Variants in FBXO24 observed in about 807,000 individuals in gnomAD.
FBXO24 encodes the protein F-box only protein 24.
FBXO24 carries 30 observed loss-of-function variants against 63.5 expected under a neutral mutation model. That is an observed-to-expected ratio of 0.47 (90% CI 0.35 to 0.64). FBXO24 has a LOEUF of 0.64. Among genes scored for constraint, FBXO24 ranks in the 30% least tolerant of loss-of-function variants. FBXO24 has a pLI of 0.00. For missense variants in FBXO24, 624 were observed against 763.4 expected, an observed-to-expected ratio of 0.82 and a Z score of 2.15; for synonymous variants, 300 against 305.0, an observed-to-expected ratio of 0.98 and a Z score of 0.17.
chr7:100,589,665 C>CGG (rs776601418), intron 1 of FBXO24: 69 of 1,505,868 alleles, frequency 4.6e-5, no homozygotes, highest in Non-Finnish European at 5.8e-5. Context: ...CCAGCAGGAA[C>CGG]GGGGGGGCCA....
intron 1 of FBXO24, among the ~76,000 whole-genome samples, chr7:100,589,137 C>T (rs1290794437): frequency 5.9e-5 from 9 of 152,144 alleles, no homozygotes; most frequent in Non-Finnish European, 1.5e-5. Context: ...AGGCTGCAGT[C>T]TCCTTTTGGA....
In FBXO24 at chr7:100,595,148, C is replaced by G; in HGVS notation, c.999C>G (p.Arg333=). ...AGGTGCATACCCCAGGGGTGTATCG[C>G]GATCTCTTTGGGACCCTTCAAGCCT... ...YFEVHTPGVY[R]DLFGTLQAFD... is the part of the protein sequence containing the mutation. Residue 333 remains arginine (R), a synonymous_variant, in exon 7 of 10, where the codon CGC becomes CGG. Transcript: ENST00000241071. 6.2e-7 allele frequency: 1 copy of G among 1,614,076 alleles called. No individual in the cohort carries two copies. The highest frequency in any genetic ancestry group is 8.5e-7 in the Non-Finnish European group (1 of 1,179,982).
chr7:100,589,804 TTG>T, intron 1 of FBXO24, 171 bp from the exon 2 acceptor site: 1 of 1,518,718 alleles, frequency 6.6e-7, no homozygotes, highest in Non-Finnish European at 8.9e-7. Context: ...GTGAGGGGGA[TTG>T]GCCGCAGGAG....
intron 8 of FBXO24, among the ~76,000 whole-genome samples, chr7:100,597,976 C>T (rs1802396826): frequency 6.7e-6 from 1 of 149,928 alleles, no homozygotes; most frequent in Non-Finnish European, 1.5e-5. Flanking sequence ...CCTCCCACCT[C>T]AGACTCCTAA....
At chr7:100,599,786 G>A in intron 8 of FBXO24, 1 of 507,470 alleles carries the variant, frequency 2.0e-6, no homozygotes, top group Non-Finnish European at 3.6e-6. Flanking sequence ...CCTGGGCTCA[G>A]GCAAGGAGCT....
At position 100,600,078 on chromosome 7, in the gene FBXO24, C is replaced by T; in HGVS notation, c.1254C>T (p.His418=). 1 of 1,610,974 alleles carries T rather than the reference C, an allele frequency of 6.2e-7. No individual in the cohort carries two copies. Among genetic ancestry groups the T allele is most frequent in the Non-Finnish European group, 8.5e-7 (1 of 1,179,394 alleles). ...RPITLWCGLN[H]SLVLSQSSEF... Reference sequence around the variant, plus strand: ...TCACCCTGTGGTGCGGCCTCAACCACTCCCTGGTGCTGAGCCAGAGCTCAG... The same window carrying T: ...TCACCCTGTGGTGCGGCCTCAACCATTCCCTGGTGCTGAGCCAGAGCTCAG... Residue 418 remains histidine, a synonymous_variant, in exon 9 of 10, where the codon CAC becomes CAT. Transcript: ENST00000241071. The surrounding 1 kb of genome is among the most constrained non-coding windows in gnomAD (Gnocchi z 6.3).
At chr7:100,598,334 AT>A (rs961074452) in intron 8 of FBXO24, among the ~76,000 whole-genome samples, 8 of 152,226 alleles carry the variant, frequency 5.3e-5, no homozygotes, top group Non-Finnish European at 1.5e-5. Flanking sequence ...CCAATGTTTC[AT>A]AATTTTTCTA....
Position 100,590,328 on chromosome 7 carries a change from G to A in FBXO24, c.293G>A (p.Arg98Gln), listed in dbSNP as rs764818310. 1.9e-5 allele frequency: 30 copies of A among 1,613,692 alleles called. No individual in the cohort carries two copies. In the African/African-American group the frequency reaches 2.0e-4, roughly 11 times the overall value. The change falls in exon 3 of 10, where the codon CGG (arginine) becomes CAG (glutamine). Residue 98 changes from arginine to glutamine, a missense_variant. Around this residue, in one of 3 missense-constraint regions of FBXO24, gnomAD observed 391 missense variants for 469.1 expected, o/e 0.83. Transcript: ENST00000241071. The stretch of plus-strand genomic sequence containing the variant: ...CTCCAAGATCAGGGTTCTGGAGTCC[G>A]GCCCTGGAAGAGAGCTGCCATTCTG... ...PRLQDQGSGVRPWKRAAILNY... is the reference protein window; with the variant it reads ...PRLQDQGSGVQPWKRAAILNY...
rs1017996589 is a variant in FBXO24, at chr7:100,589,675, A to G, written c.40-302A>G. ...GAAAGCCAGCAGGAACGGGGGGGCC[A>G]AGGGCCTAGGAGACAGGAGGGCAGG... On this transcript the variant is annotated intron_variant, in intron 1 of 9. Transcript: ENST00000241071. The G allele has an allele frequency of 6.2e-5, 95 of 1,521,020 alleles. No individual in the cohort carries two copies. Among genetic ancestry groups the G allele is most frequent in the Non-Finnish European group, 8.1e-5 (91 of 1,128,838 alleles). The allele number at this position is 1,521,020 out of a possible 1,614,324, so 94.2% of individuals were successfully genotyped here.
At chr7:100,590,444 A>G (rs1019548380) in intron 3 of FBXO24, 87 bp downstream of exon 3, 20 of 1,375,630 alleles carry the variant, frequency 1.5e-5, no homozygotes, top group Non-Finnish European at 2.0e-5. Context: ...TGACCCCCAC[A>G]CTCCCAACAG....
At chr7:100,591,952 T>C in intron 4 of FBXO24, 50 bp downstream of exon 4, 2 of 1,568,648 alleles carry the variant, frequency 1.3e-6, no homozygotes, top group Non-Finnish European at 1.8e-6. Flanking sequence ...TTAGTCCATT[T>C]TCACACTGCT....
At chr7:100,598,802 C>T (rs186230318) in intron 8 of FBXO24, among the ~76,000 whole-genome samples, 1 of 152,114 alleles carries the variant, frequency 6.6e-6, no homozygotes, top group Non-Finnish European at 1.5e-5. Flanking sequence ...CATGGTGAAA[C>T]CCCGTCTCTA....
rs116385239 is a variant in FBXO24 at position 100,596,517 on chromosome 7, G to C, written c.1206+811G>C. Among the ~76,000 whole-genome samples, 362 of 150,700 alleles carry C rather than the reference G, an allele frequency of 2.4e-3. 1 individual carries two copies. Among genetic ancestry groups the C allele is most frequent in the African/African-American group, 7.7e-3 (316 of 40,984 alleles). On this transcript the variant is annotated intron_variant, in intron 8 of 9. Coordinates refer to ENST00000241071, the MANE Select transcript of FBXO24 (RefSeq NM_033506.3). Reference sequence around the variant, plus strand: ...GTAGATTTGGGGAAGAGTCACTGCAGGTTCTGGAATAGGAGAAGGCAACCC... The same window carrying C: ...GTAGATTTGGGGAAGAGTCACTGCACGTTCTGGAATAGGAGAAGGCAACCC...
In FBXO24 at chr7:100,586,585, A is replaced by G. The variant is rs531565867; in HGVS notation, c.-41A>G. ...ATTAGAGCCTCCGAAGGGAATCTGG[A>G]CCTGCCTCTTCTCTGAGGGACGGCT... On this transcript the variant is annotated 5_prime_UTR_variant, in exon 1 of 10. Transcript: ENST00000241071. 1.2e-6 allele frequency: 2 copies of G among 1,611,646 alleles called. No individual in the cohort carries two copies. Among genetic ancestry groups the G allele is most frequent in the African/African-American group, 2.7e-5 (2 of 75,022 alleles).
chr7:100,586,746 G>C, intron 1 of FBXO24, 82 bp downstream of exon 1: 1 of 1,492,260 alleles, frequency 6.7e-7, no homozygotes, highest in Non-Finnish European at 9.3e-7. Flanking sequence ...CGCTGCAGTG[G>C]CGAGTGCGAG....
chr7:100,600,621 C>T lies in FBXO24; in HGVS notation c.1465C>T (p.Arg489Cys), dbSNP rs762948451. 3.1e-6 allele frequency: 5 copies of T among 1,613,628 alleles called. No homozygotes were observed. Among genetic ancestry groups the T allele is most frequent in the Admixed American group, 1.7e-5 (1 of 59,990 alleles). Residue 489 changes from arginine (R) to cysteine (C), a missense_variant, in exon 10 of 10, where the codon CGC becomes TGC. Around this residue, in one of 3 missense-constraint regions of FBXO24, gnomAD observed 216 missense variants for 245.2 expected, o/e 0.88. Coordinates refer to ENST00000241071, the MANE Select transcript of FBXO24 (RefSeq NM_033506.3). This position sits in a 1 kb window ranked among gnomAD's most constrained non-coding sequence, Gnocchi z 6.3. The part of the protein sequence containing the change: ...SHDIEQHAPY[R>C]HLPASRVVGT... ...CGACATTGAGCAGCACGCCCCCTAT[C>T]GCCACCTGCCAGCCAGCAGGGTGGT...
chr7:100,589,332 A>G (rs1171262733), intron 1 of FBXO24: 33 of 1,011,188 alleles, frequency 3.3e-5, no homozygotes, highest in Non-Finnish European at 3.8e-5. Flanking sequence ...GTGTTTCTCT[A>G]CAGAGTTAGT....
chr7:100,587,085 C>T (rs994132554), intron 1 of FBXO24, among the ~76,000 whole-genome samples: 4 of 152,180 alleles, frequency 2.6e-5, no homozygotes, highest in African/African-American at 9.7e-5. Context: ...GCCTAGAACA[C>T]GCCCTTGGTG....
intron 8 of FBXO24, among the ~76,000 whole-genome samples, chr7:100,597,052 A>G (rs569305077): frequency 1.3e-5 from 2 of 152,316 alleles, no homozygotes; most frequent in African/African-American, 4.8e-5. Flanking sequence ...AAAACAAAAC[A>G]AAACAAAAAC....
Sources: allele counts gnomAD v4.1 joint callset (sites outside exome capture counted in the v4.1 genomes callset), GRCh38; gene constraint gnomAD v4.1.1; regional missense constraint gnomAD v4.1.1; non-coding constraint Gnocchi (gnomAD v3.1); transcripts MANE v1.5; gene names NCBI Gene and HGNC (gene_info 2026-07-23, HGNC 2026-07-21).